Variants in COL23A1 observed in about 807,000 individuals in gnomAD.
The protein encoded by COL23A1 is collagen type XXIII alpha 1 chain, also known as collagen alpha-1(XXIII) chain.
Under a neutral mutation model 99.3 loss-of-function variants are expected in COL23A1, and 97 were observed. That is an observed-to-expected ratio of 0.98 (90% CI 0.83 to 1.16). COL23A1 has a LOEUF of 1.16. Among genes scored for constraint, COL23A1 ranks in the 50% most tolerant of loss-of-function variants. COL23A1 has a pLI of 0.00. For synonymous variants in COL23A1, 320 were observed against 308.2 expected, an observed-to-expected ratio of 1.04 and a Z score of -0.40; for missense variants, 762 against 757.4, an observed-to-expected ratio of 1.01 and a Z score of -0.07.
At chr5:178,380,901 G>A (rs1763347223) in intron 2 of COL23A1, among the ~76,000 whole-genome samples, 1 of 152,236 alleles carries the variant, frequency 6.6e-6, no homozygotes. Context: ...GCAGGGCAGG[G>A]GAGTGGGGAG....
chr5:178,520,254 T>C (rs1424944076), intron 2 of COL23A1, among the ~76,000 whole-genome samples: 1 of 151,926 alleles, frequency 6.6e-6, no homozygotes, highest in African/African-American at 2.4e-5. Context: ...CTAGTAAGAT[T>C]GGACAGTCCT....
chr5:178,313,285 G>A lies in COL23A1; in HGVS notation c.362-6366C>T, dbSNP rs570985236. 1.3e-5 allele frequency among the ~76,000 whole-genome samples: 2 copies of A among 152,320 alleles called. No homozygotes were observed. Among genetic ancestry groups the A allele is most frequent in the East Asian group, 1.9e-4 (1 of 5,178 alleles). On this transcript the variant is annotated intron_variant, in intron 2 of 28. Transcript: ENST00000390654. This position sits in a 1 kb window ranked among gnomAD's most constrained non-coding sequence, Gnocchi z 4.2. ...GAGGGATGGTGGTGGTGACGGGTGC[G>A]TGACAATGTGAACATACTGAATGCC...
intron 1 of COL23A1, among the ~76,000 whole-genome samples, chr5:178,571,558 A>G (rs539022207): frequency 6.6e-6 from 1 of 152,086 alleles, no homozygotes; most frequent in African/African-American, 2.4e-5. Context: ...ATGCAAAAAT[A>G]TTCAGCATCT....
chr5:178,486,752 A>C (rs1053427091), intron 2 of COL23A1, among the ~76,000 whole-genome samples: 1 of 152,208 alleles, frequency 6.6e-6, no homozygotes, highest in African/African-American at 2.4e-5. Flanking sequence ...CTGTATCTAA[A>C]AAGGAGCCCA....
At chr5:178,376,314 C>T (rs941164929) in intron 2 of COL23A1, among the ~76,000 whole-genome samples, 3 of 152,220 alleles carry the variant, frequency 2.0e-5, no homozygotes, top group African/African-American at 7.2e-5. Flanking sequence ...GCTCGGTGAA[C>T]ATGTGAGAAG....
At chr5:178,369,806 T>A (rs1762705768) in intron 2 of COL23A1, among the ~76,000 whole-genome samples, 1 of 152,160 alleles carries the variant, frequency 6.6e-6, no homozygotes, top group South Asian at 2.1e-4. Flanking sequence ...AACTGCCCAG[T>A]CTCAGGTATG....
chr5:178,257,222 G>A (rs1765354597), intron 13 of COL23A1, among the ~76,000 whole-genome samples: 1 of 152,158 alleles, frequency 6.6e-6, no homozygotes, highest in African/African-American at 2.4e-5. Context: ...TGTTGCGAGG[G>A]GTTGGGGGAG....
At chr5:178,409,633 T>G (rs746366006) in intron 2 of COL23A1, among the ~76,000 whole-genome samples, 17 of 152,244 alleles carry the variant, frequency 1.1e-4, no homozygotes, top group Non-Finnish European at 2.2e-4. Context: ...TTTTGAAACA[T>G]TCTGTGAATC....
intron 2 of COL23A1, among the ~76,000 whole-genome samples, chr5:178,443,845 C>T (rs775591251): frequency 6.6e-6 from 1 of 151,970 alleles, no homozygotes; most frequent in Non-Finnish European, 1.5e-5. Flanking sequence ...TATGTAATTT[C>T]TGATTTTGAA....
At chr5:178,520,725 C>T (rs778873606) in intron 2 of COL23A1, among the ~76,000 whole-genome samples, 2 of 152,182 alleles carry the variant, frequency 1.3e-5, no homozygotes, top group Non-Finnish European at 2.9e-5. Context: ...TGAGGTCAGG[C>T]GATCCACTTC....
At chr5:178,287,693 C>T (rs556128362) in intron 5 of COL23A1, among the ~76,000 whole-genome samples, 25 of 152,338 alleles carry the variant, frequency 1.6e-4, no homozygotes, top group African/African-American at 6.0e-4. Flanking sequence ...CCCTGCCAAT[C>T]TCTTCTGCTG....
At chr5:178,580,769 C>G (rs981237807) in intron 1 of COL23A1, among the ~76,000 whole-genome samples, 23 of 152,192 alleles carry the variant, frequency 1.5e-4, no homozygotes, top group African/African-American at 4.8e-4. Flanking sequence ...CCTGTAATCT[C>G]AACACTTTGG....
At chr5:178,256,726 A>G (rs1561795636) in intron 14 of COL23A1, 140 bp downstream of exon 14, 1 of 770,898 alleles carries the variant, frequency 1.3e-6, no homozygotes, top group Non-Finnish European at 2.1e-6. Flanking sequence ...AGCTTCTGAG[A>G]GTGCTGAGGG....
intron 2 of COL23A1, among the ~76,000 whole-genome samples, chr5:178,454,368 A>C (rs1767654075): frequency 6.6e-6 from 1 of 152,236 alleles, no homozygotes; most frequent in Non-Finnish European, 1.5e-5. Context: ...GTTATCAAAT[A>C]GTGCAGATAA....
At chr5:178,486,711 C>T (rs1237262740) in intron 2 of COL23A1, among the ~76,000 whole-genome samples, 3 of 152,242 alleles carry the variant, frequency 2.0e-5, no homozygotes, top group Admixed American at 6.5e-5. Context: ...AAACCCAAAG[C>T]GTACTTCAGA....
intron 1 of COL23A1, among the ~76,000 whole-genome samples, chr5:178,573,972 C>T (rs965601202): frequency 6.6e-6 from 1 of 152,098 alleles, no homozygotes; most frequent in Non-Finnish European, 1.5e-5. Flanking sequence ...GATTCTCCTG[C>T]CTCAGCCTCC....
At chr5:178,433,853 T>G (rs1032394260) in intron 2 of COL23A1, among the ~76,000 whole-genome samples, 1 of 152,108 alleles carries the variant, frequency 6.6e-6, no homozygotes, top group South Asian at 2.1e-4. Flanking sequence ...AAACTTTAAG[T>G]GATTAAGTTA....
At chr5:178,380,554 C>T (rs1207192668) in intron 2 of COL23A1, among the ~76,000 whole-genome samples, 1 of 152,162 alleles carries the variant, frequency 6.6e-6, no homozygotes, top group Non-Finnish European at 1.5e-5. Flanking sequence ...GTTGATTTCA[C>T]TCATTATTCA....
At chr5:178,283,404 C>T (rs184677341) in intron 5 of COL23A1, among the ~76,000 whole-genome samples, 1 of 152,268 alleles carries the variant, frequency 6.6e-6, no homozygotes, top group African/African-American at 2.4e-5. Flanking sequence ...TTTCCTCTGC[C>T]GGGATCTCCC....
Sources: allele counts gnomAD v4.1 joint callset (sites outside exome capture counted in the v4.1 genomes callset), GRCh38; gene constraint gnomAD v4.1.1; non-coding constraint Gnocchi (gnomAD v3.1); transcripts MANE v1.5; gene names NCBI Gene and HGNC (gene_info 2026-07-23, HGNC 2026-07-21).